TNIK: variants seen among roughly 807,000 people sequenced by gnomAD.
TNIK encodes TRAF2 and NCK-interacting protein kinase.
A neutral mutation model predicts 191.3 loss-of-function variants in TNIK; 49 were observed. The observed-to-expected ratio is 0.26, with a 90% CI of 0.20 to 0.32. The LOEUF (loss-of-function observed/expected upper bound fraction) is 0.32, where lower values mean the gene tolerates loss of function less well. TNIK is among the 10% of genes least tolerant of loss of function. The pLI is 1.00. For missense variants in TNIK, 1,155 were observed against 1,702.3 expected, an observed-to-expected ratio of 0.68 and a Z score of 5.66; for synonymous variants, 594 against 600.9, an observed-to-expected ratio of 0.99 and a Z score of 0.17.
chr3:171,213,174 A>G (rs968861707), intron 3 of TNIK, among the ~76,000 whole-genome samples: 1 of 152,078 alleles, frequency 6.6e-6, no homozygotes, highest in African/African-American at 2.4e-5. Context: ...AAGGGTCCCT[A>G]CAGCGCACCT....
chr3:171,222,481 CATT>C (rs954735556), intron 3 of TNIK, among the ~76,000 whole-genome samples: 7 of 152,094 alleles, frequency 4.6e-5, no homozygotes, highest in East Asian at 3.9e-4. Flanking sequence ...TGCCTATCGT[CATT>C]ATTATTATTA....
intron 3 of TNIK, among the ~76,000 whole-genome samples, chr3:171,217,706 A>C (rs138384655): frequency 1.6e-3 from 240 of 152,326 alleles, no homozygotes; most frequent in Middle Eastern, 6.8e-3. Context: ...TGGAAGACAC[A>C]GATATGAATC....
intron 1 of TNIK, among the ~76,000 whole-genome samples, chr3:171,403,611 C>CAAAA (rs57982642): frequency 2.0e-3 from 201 of 100,066 alleles, no homozygotes; most frequent in East Asian, 5.7e-3. Flanking sequence ...GACTCCGTAT[C>CAAAA]AAAAAAAAAA....
chr3:171,422,858 C>G (rs533656595), intron 1 of TNIK, among the ~76,000 whole-genome samples: 2 of 152,314 alleles, frequency 1.3e-5, no homozygotes, highest in African/African-American at 4.8e-5. Context: ...TCTTCAGAAC[C>G]CTGGGATCTT....
chr3:171,129,505 TAC>T (rs1412172757), intron 15 of TNIK, among the ~76,000 whole-genome samples: 1 of 152,214 alleles, frequency 6.6e-6, no homozygotes, highest in Non-Finnish European at 1.5e-5. Flanking sequence ...CTTCCTCAAA[TAC>T]ACTGCCCCAT....
intron 2 of TNIK, among the ~76,000 whole-genome samples, chr3:171,322,877 C>G (rs1377811678): frequency 7.0e-6 from 1 of 143,738 alleles, no homozygotes; most frequent in Non-Finnish European, 1.5e-5. Flanking sequence ...TTGTGAAACT[C>G]TGCCAAGTGG....
At chr3:171,318,321 C>T (rs1215543763) in intron 2 of TNIK, among the ~76,000 whole-genome samples, 1 of 152,020 alleles carries the variant, frequency 6.6e-6, no homozygotes, top group Non-Finnish European at 1.5e-5. Context: ...AAACACAAGC[C>T]AAAGCATATA....
At chr3:171,107,255 G>A in intron 20 of TNIK, 49 bp from the exon 21 acceptor site, 1 of 1,586,076 alleles carries the variant, frequency 6.3e-7, no homozygotes, top group Non-Finnish European at 8.6e-7. Context: ...AGGAGGAAAA[G>A]CCAGCAGAAA....
At chr3:171,327,623 A>C (rs1180753788) in intron 2 of TNIK, among the ~76,000 whole-genome samples, 4 of 152,146 alleles carry the variant, frequency 2.6e-5, no homozygotes, top group Non-Finnish European at 5.9e-5. Context: ...CTGCTCATCC[A>C]GAACAGTAGC....
At chr3:171,100,175 A>G (rs1035774126) in intron 22 of TNIK, among the ~76,000 whole-genome samples, 1 of 152,208 alleles carries the variant, frequency 6.6e-6, no homozygotes, top group Non-Finnish European at 1.5e-5. Flanking sequence ...GTCAAGACAA[A>G]AACTAAAAGG....
At chr3:171,101,665 T>C (rs373132743) in intron 21 of TNIK, 32 bp from the exon 22 acceptor site, 4 of 1,601,144 alleles carry the variant, frequency 2.5e-6, no homozygotes, top group Non-Finnish European at 3.4e-6. Context: ...AGCATATGAG[T>C]GGTAGATACG....
chr3:171,107,460 T>C (rs915539698), intron 20 of TNIK, among the ~76,000 whole-genome samples: 2 of 147,742 alleles, frequency 1.4e-5, no homozygotes, highest in African/African-American at 5.3e-5. Flanking sequence ...TCAAGAGATT[T>C]AAATAGAAAA....
intron 1 of TNIK, among the ~76,000 whole-genome samples, chr3:171,438,921 C>T (rs1726388855): frequency 1.3e-5 from 2 of 152,178 alleles, no homozygotes. Flanking sequence ...TTTCAGAGTC[C>T]TATGTCCCTC....
chr3:171,167,306 G>A lies in TNIK; in HGVS notation c.774-36C>T, dbSNP rs150419600. On this transcript the variant is annotated intron_variant, in intron 9 of 32. Coordinates refer to ENST00000436636, the MANE Select transcript of TNIK (RefSeq NM_015028.4). ...AAAGAAATGAATCCACAGATAAAAC[G>A]GCGATCCAAAGAAAAGCAAATGTGT... is the stretch of plus-strand genomic sequence containing the variant. 418 of 1,595,420 alleles carry A rather than the reference G, an allele frequency of 2.6e-4. 2 individuals are homozygous for A. In the East Asian group the frequency reaches 7.7e-3, roughly 30 times the overall value.
rs1222771358 is a variant in TNIK, at chr3:171,350,618, AT to A, written c.123+19001del. Among the ~76,000 whole-genome samples the A allele has an allele frequency of 4.7e-3, 676 of 144,802 alleles. 5 individuals carry two copies. Among genetic ancestry groups the A allele is most frequent in the African/African-American group, 0.015 (585 of 39,846 alleles). The allele number at this position is 144,802 out of a possible 152,430, so 95.0% of individuals were successfully genotyped here. A position where few individuals can be genotyped will look rare whatever the true frequency, so the allele number is the denominator to read the frequency against. On this transcript the variant is annotated intron_variant, in intron 2 of 32. Coordinates refer to ENST00000436636, the MANE Select transcript of TNIK (RefSeq NM_015028.4). ...GCTAAAAAAAAAAAAAAAAAAAAAAATGCCCAAAGAAACTCAATCCTGTAAC... is the reference window on the plus strand; with the variant it reads ...GCTAAAAAAAAAAAAAAAAAAAAAAAGCCCAAAGAAACTCAATCCTGTAAC...
At chr3:171,189,483 T>C (rs146877737) in intron 6 of TNIK, among the ~76,000 whole-genome samples, 8 of 152,320 alleles carry the variant, frequency 5.3e-5, no homozygotes, top group Non-Finnish European at 8.8e-5. Flanking sequence ...TAAAAAAAAG[T>C]AAGCTTGGTT....
intron 28 of TNIK, 36 bp downstream of exon 28, chr3:171,079,482 C>A: frequency 6.3e-7 from 1 of 1,598,072 alleles, no homozygotes; most frequent in East Asian, 2.2e-5. Flanking sequence ...ATTGAGTAAA[C>A]AGACCAAACT....
intron 2 of TNIK, among the ~76,000 whole-genome samples, chr3:171,332,776 T>G (rs1371305181): frequency 6.6e-6 from 1 of 152,202 alleles, no homozygotes; most frequent in East Asian, 1.9e-4. Context: ...GATGTGAAAT[T>G]TAGCTTTTAC....
At chr3:171,193,650 C>T (rs1357652163) in intron 5 of TNIK, among the ~76,000 whole-genome samples, 3 of 152,170 alleles carry the variant, frequency 2.0e-5, no homozygotes, top group Non-Finnish European at 4.4e-5. Context: ...CATCCATCCA[C>T]CCAAAGCATA....
Sources: gnomAD v4.1 joint callset for allele counts (sites outside exome capture counted in the v4.1 genomes callset) on GRCh38, gnomAD v4.1.1 for gene constraint, MANE v1.5 for transcripts, NCBI Gene and HGNC (gene_info 2026-07-23, HGNC 2026-07-21) for gene names.